The following ZNF536 variants were observed in gnomAD, a reference collection of about 807,000 sequenced individuals.
ZNF536 encodes the protein zinc finger protein 536.
Under a neutral mutation model 84.5 loss-of-function variants are expected in ZNF536, and 13 were observed. The observed-to-expected ratio is 0.15, with a 90% CI of 0.10 to 0.24. The LOEUF (loss-of-function observed/expected upper bound fraction) is 0.24. Among genes scored for constraint, ZNF536 ranks in the 10% least tolerant of loss-of-function variants. The pLI, the probability that ZNF536 is intolerant of heterozygous loss-of-function variation, is 1.00. For synonymous variants in ZNF536, 811 were observed against 742.5 expected, an observed-to-expected ratio of 1.09 and a Z score of -1.50; for missense variants, 1,536 against 1,747.5, an observed-to-expected ratio of 0.88 and a Z score of 2.16.
At chr19:30,588,902 G>A (rs2047185085) in intron 1 of ZNF536, among the ~76,000 whole-genome samples, 1 of 152,176 alleles carries the variant, frequency 6.6e-6, no homozygotes, top group South Asian at 2.1e-4. Context: ...TAGTACAGGT[G>A]ACATGCGAAT....
chr19:30,438,517 TG>T (rs2051860382), intron 1 of ZNF536, among the ~76,000 whole-genome samples: 1 of 151,672 alleles, frequency 6.6e-6, no homozygotes, highest in African/African-American at 2.4e-5. Flanking sequence ...GGGTTGGGGG[TG>T]GGCTGTGGCA....
rs535034139 is a variant in ZNF536, at chr19:30,316,878, C to G, written c.-120+32737C>G. ...TGGTCCAGGTGGGATGCTAAGATAC[C>G]CGCCCTGCCGTGGCATGTAGCATAA... On this transcript the variant is annotated intron_variant, in intron 2 of 5. Transcript: ENST00000585628. Among the ~76,000 whole-genome samples the G allele has an allele frequency of 4.6e-5, 7 of 152,308 alleles. No individual in the cohort carries two copies. In the South Asian group the frequency reaches 1.2e-3, roughly 27 times the overall value.
At chr19:30,410,720 C>T (rs1379629549) in intron 1 of ZNF536, among the ~76,000 whole-genome samples, 4 of 151,998 alleles carry the variant, frequency 2.6e-5, no homozygotes, top group East Asian at 1.9e-4. Flanking sequence ...CCTCGTGATC[C>T]GCCCGCCTCG....
At chr19:30,546,778 G>A (rs542089022) in intron 3 of ZNF536, among the ~76,000 whole-genome samples, 3 of 152,298 alleles carry the variant, frequency 2.0e-5, no homozygotes, top group East Asian at 3.9e-4. Context: ...ATAAGAGAGC[G>A]GGGACTGTCA....
chr19:30,564,625 C>T (rs1415036143), intron 1 of ZNF536, among the ~76,000 whole-genome samples: 1 of 152,116 alleles, frequency 6.6e-6, no homozygotes, highest in Non-Finnish European at 1.5e-5. Flanking sequence ...CCAAGCGCAG[C>T]CCCTGGCGCT....
chr19:30,583,435 G>A (rs2046992063), intron 1 of ZNF536, among the ~76,000 whole-genome samples: 1 of 152,204 alleles, frequency 6.6e-6, no homozygotes, highest in African/African-American at 2.4e-5. Flanking sequence ...GGCAAGCCAG[G>A]GTGACTAGCA....
At chr19:30,272,703 A>G (rs2025919927) in intron 1 of ZNF536, among the ~76,000 whole-genome samples, 2 of 152,156 alleles carry the variant, frequency 1.3e-5, no homozygotes, top group Non-Finnish European at 2.9e-5. Flanking sequence ...TCACTTAGAA[A>G]TATGCATTTA....
At chr19:30,493,851 G>A (rs1036780551) in intron 2 of ZNF536, among the ~76,000 whole-genome samples, 7 of 152,150 alleles carry the variant, frequency 4.6e-5, no homozygotes, top group African/African-American at 1.4e-4. Context: ...GGTGTGTAAA[G>A]CATCTCTGTT....
At chr19:30,700,242 C>CTTTCTG (rs57308094) in intron 1 of ZNF536, among the ~76,000 whole-genome samples, 2 of 104,308 alleles carry the variant, frequency 1.9e-5, no homozygotes, top group Non-Finnish European at 3.9e-5. Flanking sequence ...CTTTCTTTCT[C>CTTTCTG]TCTCTCTCTC....
intron 2 of ZNF536, among the ~76,000 whole-genome samples, chr19:30,522,868 G>GTA (rs1446612828): frequency 1.3e-5 from 2 of 152,122 alleles, no homozygotes; most frequent in African/African-American, 4.8e-5. Context: ...ATGCACATAG[G>GTA]TATATATATT....
chr19:30,358,000 G>A (rs1312842223), intron 3 of ZNF536, among the ~76,000 whole-genome samples: 1 of 152,180 alleles, frequency 6.6e-6, no homozygotes, highest in Non-Finnish European at 1.5e-5. Context: ...CCTGTTCACT[G>A]CAGGGAAACT....
At chr19:30,589,286 G>A (rs778105815) in intron 1 of ZNF536, among the ~76,000 whole-genome samples, 19 of 152,288 alleles carry the variant, frequency 1.2e-4, no homozygotes, top group Non-Finnish European at 2.2e-4. Context: ...CTGATTCCAG[G>A]ATTCTGTGCC....
intron 2 of ZNF536, among the ~76,000 whole-genome samples, chr19:30,481,871 T>C (rs2144870186): frequency 6.6e-6 from 1 of 152,202 alleles, no homozygotes; most frequent in African/African-American, 2.4e-5. Flanking sequence ...TCTTACACCT[T>C]TGCCTCCTCA....
At chr19:30,655,828 T>G (rs1354594738) in intron 1 of ZNF536, among the ~76,000 whole-genome samples, 1 of 152,018 alleles carries the variant, frequency 6.6e-6, no homozygotes, top group Non-Finnish European at 1.5e-5. Flanking sequence ...CACTTGAGCC[T>G]AGGAGTTCGA....
intron 2 of ZNF536, among the ~76,000 whole-genome samples, chr19:30,524,022 A>T (rs1203796884): frequency 6.6e-6 from 1 of 152,240 alleles, no homozygotes; most frequent in Non-Finnish European, 1.5e-5. Flanking sequence ...CACTCCACGG[A>T]GGGGCATTGC....
chr19:30,402,796 A>T (rs6423438), intron 1 of ZNF536, among the ~76,000 whole-genome samples: 11,838 of 84,526 alleles, frequency 0.14, 1,726 homozygotes, highest in African/African-American at 0.32. Flanking sequence ...AAAATTAAAA[A>T]ATATATATAT....
chr19:30,550,825 G>T (rs1253394749), intron 4 of ZNF536, among the ~76,000 whole-genome samples: 1 of 152,040 alleles, frequency 6.6e-6, no homozygotes, highest in Non-Finnish European at 1.5e-5. Flanking sequence ...TTTTTGAATT[G>T]TCGAAAATCA....
At chr19:30,499,311 G>A (rs1325923940) in intron 2 of ZNF536, among the ~76,000 whole-genome samples, 1 of 152,086 alleles carries the variant, frequency 6.6e-6, no homozygotes, top group Non-Finnish European at 1.5e-5. Flanking sequence ...GTATCTATGT[G>A]TGTAAGTATG....
chr19:30,643,634 C>A (rs577278096), intron 1 of ZNF536, among the ~76,000 whole-genome samples: 1 of 151,986 alleles, frequency 6.6e-6, no homozygotes, highest in African/African-American at 2.4e-5. Context: ...GGGGTTCTGC[C>A]AGCTATCGCA....
Sources: gnomAD v4.1 joint callset for allele counts (sites outside exome capture counted in the v4.1 genomes callset) on GRCh38, gnomAD v4.1.1 for gene constraint, MANE v1.5 for transcripts, NCBI Gene and HGNC (gene_info 2026-07-23, HGNC 2026-07-21) for gene names.